The following MMP2 variants were observed in gnomAD, a reference collection of about 807,000 sequenced individuals.
MMP2 encodes 72 kDa type IV collagenase.
A neutral mutation model predicts 74.8 loss-of-function variants in MMP2; 39 were observed. The observed-to-expected ratio is 0.52, with a 90% CI of 0.40 to 0.68. The LOEUF is 0.68. Ranked by LOEUF, MMP2 falls within the 30% of genes least tolerant of loss-of-function variation. The pLI is 0.00. For missense variants in MMP2, 803 were observed against 878.3 expected, an observed-to-expected ratio of 0.91 and a Z score of 1.08; for synonymous variants, 367 against 339.8, an observed-to-expected ratio of 1.08 and a Z score of -0.88.
chr16:55,482,872 T>A, intron 1 of MMP2, 37 bp from the exon 2 acceptor site: 1 of 1,565,640 alleles, frequency 6.4e-7, no homozygotes, highest in Non-Finnish European at 8.8e-7. Flanking sequence ...GCCATCCTAA[T>A]GTGGCTAATT....
At position 55,496,820 on chromosome 16, in the gene MMP2, A is replaced by G. The variant is rs530024040; in HGVS notation, c.1473-106A>G. 13 of 1,480,540 alleles carry G rather than the reference A, an allele frequency of 8.8e-6. No homozygotes were observed. The East Asian group carries it at 2.3e-4, about 26-fold the overall frequency. The allele number at this position is 1,480,540 out of a possible 1,614,324, so 91.7% of individuals were successfully genotyped here. A position where few individuals can be genotyped will look rare whatever the true frequency, so the allele number is the denominator to read the frequency against. ...TTTGATCCTGCCTCCCACTCCCATC[A>G]TGGAATCATCTCTGGGATGTTTCTG... On this transcript the variant is annotated intron_variant, in intron 9 of 12. Coordinates refer to ENST00000219070, the MANE Select transcript of MMP2 (RefSeq NM_004530.6).
At chr16:55,497,490 A>G (rs1173095499) in intron 10 of MMP2, among the ~76,000 whole-genome samples, 1 of 152,254 alleles carries the variant, frequency 6.6e-6, no homozygotes, top group African/African-American at 2.4e-5. Flanking sequence ...AGAGGCAGTT[A>G]GTTATAATAG....
intron 12 of MMP2, among the ~76,000 whole-genome samples, chr16:55,504,810 G>C (rs900448575): frequency 2.6e-5 from 4 of 151,594 alleles, no homozygotes; most frequent in Middle Eastern, 3.2e-3. Flanking sequence ...CTACCACCAC[G>C]CCCGGCTAAT....
chr16:55,480,038 C>A (rs1163422868), intron 1 of MMP2: 1 of 197,950 alleles, frequency 5.1e-6, no homozygotes, highest in Non-Finnish European at 1.0e-5. Flanking sequence ...TTGCTAAGGG[C>A]TCTTGCCAAG....
chr16:55,491,747 C>G, intron 7 of MMP2, 54 bp from the exon 8 acceptor site: 11 of 1,604,350 alleles, frequency 6.9e-6, no homozygotes, highest in Non-Finnish European at 9.4e-6. Flanking sequence ...GTCTTGACTT[C>G]TCTCTCATCT....
intron 3 of MMP2, 137 bp from the exon 4 acceptor site, chr16:55,485,162 T>C: frequency 8.1e-7 from 1 of 1,231,180 alleles, no homozygotes; most frequent in Non-Finnish European, 1.2e-6. Flanking sequence ...CTGTTGACAG[T>C]CCTGGATAAC....
chr16:55,498,941 G>C (rs575559619), intron 11 of MMP2, among the ~76,000 whole-genome samples: 8 of 152,150 alleles, frequency 5.3e-5, no homozygotes, highest in Non-Finnish European at 1.2e-4. Context: ...GCCAAGATGG[G>C]TGGATCACTT....
At chr16:55,489,849 G>C (rs919393467) in intron 7 of MMP2, 25 bp downstream of exon 7, 24 of 1,612,040 alleles carry the variant, frequency 1.5e-5, no homozygotes, top group Non-Finnish European at 2.0e-5. Context: ...TCATTGGACA[G>C]AGACCCTGGA....
At position 55,479,270 on chromosome 16, in the gene MMP2, C is replaced by A; in HGVS notation, c.-210C>A. 2.6e-6 allele frequency: 1 copy of A among 380,452 alleles called. No individual in the cohort carries two copies. The highest frequency in any genetic ancestry group is 4.4e-6 in the Non-Finnish European group (1 of 228,826). 23.6% of individuals were successfully genotyped at this position (380,452 alleles called of 1,614,324 possible). ...GGCTTTAAACATACAAAGGGATTGCCAGGACCTGCGGCGGCGGCGGCGGCG... is the reference window on the plus strand; with the variant it reads ...GGCTTTAAACATACAAAGGGATTGCAAGGACCTGCGGCGGCGGCGGCGGCG... On this transcript the variant is annotated 5_prime_UTR_variant, in exon 1 of 13. Transcript: ENST00000219070.
At chr16:55,483,246 C>G in intron 2 of MMP2, 111 bp downstream of exon 2, 1 of 818,284 alleles carries the variant, frequency 1.2e-6, no homozygotes, top group East Asian at 2.6e-5. Flanking sequence ...TTTGTGAAGG[C>G]TTGACATCTT....
intron 9 of MMP2, among the ~76,000 whole-genome samples, chr16:55,496,509 A>G (rs1450278078): frequency 6.6e-6 from 1 of 152,196 alleles, no homozygotes; most frequent in East Asian, 1.9e-4. Context: ...AAAGTACACA[A>G]ATTCATTTCA....
rs181735623 is a variant in MMP2 at position 55,495,316 on chromosome 16, C to T, written c.1473-1610C>T. Among the ~76,000 whole-genome samples the T allele has an allele frequency of 2.0e-5, 3 of 152,338 alleles. No individual in the cohort carries two copies. The East Asian group carries it at 5.8e-4, about 29-fold the overall frequency. On this transcript the variant is annotated intron_variant, in intron 9 of 12. Coordinates refer to ENST00000219070, the MANE Select transcript of MMP2 (RefSeq NM_004530.6). The stretch of plus-strand genomic sequence containing the variant: ...GATGTGTGGGGCCTAGGAAAGGATG[C>T]AGAGCCCAGACCCAGGCTGGAGCCA...
chr16:55,479,521 G>A lies in MMP2; in HGVS notation c.42G>A (p.Leu14=). Residue 14 remains leucine (L), a synonymous_variant, in exon 1 of 13, where the codon CTG becomes CTA. Coordinates refer to ENST00000219070, the MANE Select transcript of MMP2 (RefSeq NM_004530.6). ...CCCGGGGCGCGCTCACGGGTCCCCT[G>A]AGGGCGCTCTGTCTCCTGGGCTGCC... The part of the protein sequence containing the change: ...LMARGALTGP[L]RALCLLGCLL... The A allele has an allele frequency of 2.5e-6, 4 of 1,605,870 alleles. No homozygotes were observed. The highest frequency in any genetic ancestry group is 3.4e-6 in the Non-Finnish European group (4 of 1,176,800).
Position 55,493,140 on chromosome 16 carries a change from G to A in MMP2, c.1337-18G>A, listed in dbSNP as rs377557324. The A allele has an allele frequency of 1.1e-5, 18 of 1,613,016 alleles. No individual in the cohort carries two copies. In the African/African-American group the frequency reaches 2.1e-4, roughly 19 times the overall value. ...CCTCTGGAGCTGCAGAGAGTCTAAGGTCAGGTGTTCTCCCCAGGGGCCTCT... is the reference window on the plus strand; with the variant it reads ...CCTCTGGAGCTGCAGAGAGTCTAAGATCAGGTGTTCTCCCCAGGGGCCTCT... On this transcript the variant is annotated intron_variant, in intron 8 of 12. Coordinates refer to ENST00000219070, the MANE Select transcript of MMP2 (RefSeq NM_004530.6).
rs1183888363 is a variant in MMP2 at position 55,482,929 on chromosome 16, T to C, written c.174T>C (p.Tyr58=). 6.2e-7 allele frequency: 1 copy of C among 1,614,240 alleles called. No homozygotes were observed. Among genetic ancestry groups the C allele is most frequent in the Admixed American group, 1.7e-5 (1 of 60,026 alleles). The part of the protein sequence containing the change: ...ELAVQYLNTF[Y]GCPKESCNLF... ...TTCAGCAATACCTGAACACCTTCTATGGCTGCCCCAAGGAGAGCTGCAACC... is the reference window on the plus strand; with the variant it reads ...TTCAGCAATACCTGAACACCTTCTACGGCTGCCCCAAGGAGAGCTGCAACC... Residue 58 remains tyrosine (Y), a synonymous_variant, in exon 2 of 13, where the codon TAT becomes TAC. Coordinates refer to ENST00000219070, the MANE Select transcript of MMP2 (RefSeq NM_004530.6).
At position 55,497,013 on chromosome 16, in the gene MMP2, T is replaced by A; in HGVS notation, c.1560T>A (p.Ile520=). The A allele has an allele frequency of 6.2e-7, 1 of 1,614,160 alleles. No individual in the cohort carries two copies. Among genetic ancestry groups the A allele is most frequent in the Non-Finnish European group, 8.5e-7 (1 of 1,180,034 alleles). Residue 520 remains isoleucine (I), a synonymous_variant, in exon 10 of 13, where the codon ATT becomes ATA. Coordinates refer to ENST00000219070, the MANE Select transcript of MMP2 (RefSeq NM_004530.6). ...ATFWPELPEK[I]DAVYEAPQEE... is the part of the protein sequence containing the mutation. ...TCTGGCCTGAGCTCCCGGAAAAGAT[T>A]GATGCGGTATACGAGGCCCCACAGG...
intron 5 of MMP2, 185 bp from the exon 6 acceptor site, chr16:55,488,358 G>T: frequency 1.6e-6 from 1 of 643,106 alleles, no homozygotes. Flanking sequence ...GGGATAACCA[G>T]GGAAGCAGGG....
At chr16:55,500,523 A>ACACACACACACACACACACACG (rs1277724566) in intron 11 of MMP2, among the ~76,000 whole-genome samples, 1 of 147,672 alleles carries the variant, frequency 6.8e-6, no homozygotes, top group African/African-American at 2.5e-5. Flanking sequence ...ACACACACAC[A>ACACACACACACACACACACACG]CACACACACA....
chr16:55,492,789 G>A (rs576588710), intron 8 of MMP2, among the ~76,000 whole-genome samples: 7 of 152,050 alleles, frequency 4.6e-5, no homozygotes, highest in Non-Finnish European at 1.0e-4. Flanking sequence ...CACACCAGCG[G>A]CCCCCTGACC....
Sources: allele counts gnomAD v4.1 joint callset (sites outside exome capture counted in the v4.1 genomes callset), GRCh38; gene constraint gnomAD v4.1.1; transcripts MANE v1.5; gene names NCBI Gene and HGNC (gene_info 2026-07-23, HGNC 2026-07-21).